Variants in LIFR observed in about 807,000 individuals in gnomAD.
LIFR encodes the protein LIF receptor subunit alpha, also known as leukemia inhibitory factor receptor.
In LIFR, 84 loss-of-function variants were observed where a neutral mutation model predicts 122.2. That is an observed-to-expected ratio of 0.69 (90% confidence interval 0.58 to 0.82). LIFR has a LOEUF of 0.82. Ranked by LOEUF, LIFR falls within the 40% of genes least tolerant of loss-of-function variation. LIFR has a pLI of 0.00. For missense variants in LIFR, 1,294 were observed against 1,311.6 expected (o/e 0.99, Z 0.21); for synonymous variants, 422 against 434.7 (o/e 0.97, Z 0.36).
At chr5:38,518,733 T>C (rs572450530) in intron 5 of LIFR, among the ~76,000 whole-genome samples, 3 of 152,212 alleles carry the variant, frequency 2.0e-5, no homozygotes, top group Non-Finnish European at 4.4e-5. Flanking sequence ...TCCTTCTACA[T>C]GTTTTTAAAA....
chr5:38,550,271 T>G, intron 1 of LIFR: 4 of 961,772 alleles, frequency 4.2e-6, no homozygotes, highest in Non-Finnish European at 4.9e-6. Flanking sequence ...ATTTTTAAAA[T>G]AGCTGAGCTA....
chr5:38,595,787 C>T (rs1437305747), upstream of LIFR, among the ~76,000 whole-genome samples: 2 of 137,162 alleles, frequency 1.5e-5, no homozygotes. Context: ...AGCTGGAGTG[C>T]AGCGGCTCGA....
intron 1 of LIFR, among the ~76,000 whole-genome samples, chr5:38,537,601 T>C (rs949779552): frequency 1.3e-5 from 2 of 152,040 alleles, no homozygotes; most frequent in Non-Finnish European, 2.9e-5. Context: ...CGAAAACTTA[T>C]CTCTAAAAAG....
intron 1 of LIFR, among the ~76,000 whole-genome samples, chr5:38,551,989 T>C (rs908146488): frequency 2.0e-5 from 3 of 152,184 alleles, no homozygotes; most frequent in Non-Finnish European, 4.4e-5. Context: ...GCCTCTAAAT[T>C]TACCCCAACT....
intron 1 of LIFR, among the ~76,000 whole-genome samples, chr5:38,551,331 C>T (rs1748189289): frequency 6.6e-6 from 1 of 152,150 alleles, no homozygotes; most frequent in African/African-American, 2.4e-5. Flanking sequence ...GGGGCTGCAG[C>T]CTAAAGTCCT....
At position 38,510,551 on chromosome 5, in the gene LIFR, G is replaced by A. The variant is rs61751714; in HGVS notation, c.904C>T (p.Arg302Cys). The A allele has an allele frequency of 4.9e-5, 79 of 1,613,722 alleles. No homozygotes were observed. The highest frequency in any genetic ancestry group is 1.6e-4 in the Middle Eastern group (1 of 6,080). ...LDGENVAIKI[R>C]NISVSASSGT... ...CTACTTGCAGAAACAGAAATATTAC[G>A]AATCTTGATTGCAACATTTTCCCCA... The change falls in exon 7 of 20, where the codon CGT becomes TGT. Residue 302 changes from arginine to cysteine, a missense_variant. By Grantham distance (180) the Arg-to-Cys change is radical (BLOSUM62 -3). Transcript: ENST00000453190.
rs780720447 is a variant in LIFR at position 38,502,814 on chromosome 5, A to G, written c.1438-15T>C. ...GTGACATTCCGCTATTGGAAAACAAATAAATATATATATATGTATATATTA... is the reference window on the plus strand; with the variant it reads ...GTGACATTCCGCTATTGGAAAACAAGTAAATATATATATATGTATATATTA... On this transcript the variant is annotated splice_polypyrimidine_tract_variant and intron_variant, in intron 10 of 19. Coordinates refer to ENST00000453190, the MANE Select transcript of LIFR (RefSeq NM_001127671.2). 3.7e-6 allele frequency: 5 copies of G among 1,338,772 alleles called. No homozygotes were observed. In the East Asian group the frequency reaches 7.6e-5, roughly 20 times the overall value. 82.9% of individuals were successfully genotyped at this position (1,338,772 alleles called of 1,614,324 possible). A position where few individuals can be genotyped will look rare whatever the true frequency, so the allele number is the denominator to read the frequency against.
chr5:38,528,312 G>C (rs1022091866), intron 3 of LIFR, among the ~76,000 whole-genome samples: 2 of 152,220 alleles, frequency 1.3e-5, no homozygotes, highest in East Asian at 1.9e-4. Context: ...GGGGAGCAGG[G>C]GGCCAGAACT....
chr5:38,510,103 C>T (rs990813155), intron 7 of LIFR, among the ~76,000 whole-genome samples: 4 of 152,152 alleles, frequency 2.6e-5, no homozygotes, highest in Admixed American at 6.5e-5. Flanking sequence ...AAAAGGTATA[C>T]TTTAACTGGA....
At chr5:38,564,158 T>G (rs1748929175) in intron 1 of LIFR, among the ~76,000 whole-genome samples, 1 of 152,154 alleles carries the variant, frequency 6.6e-6, no homozygotes, top group Non-Finnish European at 1.5e-5. Flanking sequence ...CGGGTGTTGT[T>G]TGAGTGCAGA....
intron 1 of LIFR, among the ~76,000 whole-genome samples, chr5:38,531,424 A>G (rs1303279434): frequency 6.6e-6 from 1 of 152,160 alleles, no homozygotes; most frequent in Non-Finnish European, 1.5e-5. Flanking sequence ...GGATAACCAA[A>G]AGGAAAATAA....
At chr5:38,513,929 G>T (rs1036354698) in intron 5 of LIFR, among the ~76,000 whole-genome samples, 1 of 152,008 alleles carries the variant, frequency 6.6e-6, no homozygotes, top group Non-Finnish European at 1.5e-5. Context: ...AAGAAAAAAT[G>T]TGAGGAAACA....
At chr5:38,565,347 C>A (rs1748984343) in intron 1 of LIFR, among the ~76,000 whole-genome samples, 1 of 151,956 alleles carries the variant, frequency 6.6e-6, no homozygotes. Flanking sequence ...AATATTAAGT[C>A]CCAAATGGCA....
At chr5:38,583,580 T>TATAAAGAA (rs1749655574) in intron 1 of LIFR, among the ~76,000 whole-genome samples, 1 of 152,208 alleles carries the variant, frequency 6.6e-6, no homozygotes, top group Non-Finnish European at 1.5e-5. Context: ...ACCCAAAATT[T>TATAAAGAA]ATAAAGAACA....
Position 38,553,656 on chromosome 5 carries a change from A to G in LIFR, c.-20+2678T>C, listed in dbSNP as rs1051961842. ...TATATATATATATATATATATATAT[A>G]TATATATATATATATATTATATGTA... On this transcript the variant is annotated intron_variant, in intron 1 of 19. Coordinates refer to ENST00000453190, the MANE Select transcript of LIFR (RefSeq NM_001127671.2). Among the ~76,000 whole-genome samples, 43 of 98,782 alleles carry G rather than the reference A, an allele frequency of 4.4e-4. No individual in the cohort carries two copies. In the East Asian group the frequency reaches 0.016, roughly 36 times the overall value. 64.8% of individuals were successfully genotyped at this position (98,782 alleles called of 152,430 possible).
intron 1 of LIFR, among the ~76,000 whole-genome samples, chr5:38,537,951 C>T (rs887591136): frequency 6.6e-6 from 1 of 152,122 alleles, no homozygotes; most frequent in African/African-American, 2.4e-5. Context: ...TCAGATTTCT[C>T]TATTTTGTCC....
At position 38,476,799 on chromosome 5, in the gene LIFR, C is replaced by T. The variant is rs960045457; in HGVS notation, c.*4796G>A. 9.4e-6 allele frequency: 2 copies of T among 211,796 alleles called. No homozygotes were observed. Among genetic ancestry groups the T allele is most frequent in the African/African-American group, 4.5e-5 (2 of 44,144 alleles). 13.1% of individuals were successfully genotyped at this position (211,796 alleles called of 1,614,324 possible). ...CATAAAAACATTCAGAGGGTTTTCC[C>T]CTTAACACACAACTTTTAATTCTCA... On this transcript the variant is annotated 3_prime_UTR_variant, in exon 20 of 20. Coordinates refer to ENST00000453190, the MANE Select transcript of LIFR (RefSeq NM_001127671.2).
At chr5:38,506,358 G>T in intron 8 of LIFR, 145 bp downstream of exon 8, 2 of 919,354 alleles carry the variant, frequency 2.2e-6, no homozygotes, top group Non-Finnish European at 3.4e-6. Context: ...CTGAACTGCA[G>T]TGCTTATAAG....
intron 5 of LIFR, among the ~76,000 whole-genome samples, chr5:38,514,866 A>G (rs755009638): frequency 1.2e-4 from 18 of 152,216 alleles, no homozygotes; most frequent in Non-Finnish European, 1.9e-4. Context: ...GGTTTAAAAT[A>G]TACAGGAGGA....
Sources: gnomAD v4.1 joint callset for allele counts (sites outside exome capture counted in the v4.1 genomes callset) on GRCh38, gnomAD v4.1.1 for gene constraint, MANE v1.5 for transcripts, NCBI Gene and HGNC (gene_info 2026-07-23, HGNC 2026-07-21) for gene names.